The following POLR1C variants were observed in gnomAD, a reference collection of about 807,000 sequenced individuals.
The protein encoded by POLR1C is DNA-directed RNA polymerases I and III subunit RPAC1.
In POLR1C, 42 loss-of-function variants were observed where a neutral mutation model predicts 38.3. That is an observed-to-expected ratio of 1.10 (90% CI 0.86 to 1.42). The LOEUF (loss-of-function observed/expected upper bound fraction) is 1.42. Ranked by LOEUF, POLR1C falls within the 40% of genes most tolerant of loss-of-function variation. The pLI is 0.00. For synonymous variants in POLR1C, 163 were observed against 163.9 expected (o/e 0.99, Z 0.04); for missense variants, 507 against 450.5 (o/e 1.13, Z -1.14).
chr6:43,549,655 CTCAG>C, intron 9 of POLR1C: 1 of 1,500,968 alleles, frequency 6.7e-7, no homozygotes, highest in East Asian at 2.3e-5. Flanking sequence ...ATGTGAATAT[CTCAG>C]TCAGGGGCAA....
chr6:43,526,744 A>T, intron 8 of POLR1C: 1 of 1,613,724 alleles, frequency 6.2e-7, no homozygotes, highest in South Asian at 1.1e-5. Flanking sequence ...AACACAGCAA[A>T]CCGCTAAAGC....
chr6:43,521,214 G>T lies in POLR1C; in HGVS notation c.955G>T (p.Asp319Tyr), dbSNP rs1360823560. The T allele has an allele frequency of 6.2e-7, 1 of 1,613,972 alleles. No individual in the cohort carries two copies. The highest frequency in any genetic ancestry group is 1.3e-5 in the African/African-American group (1 of 74,928). ...TGAGTCAACGGGGGTGTTGCCACCA[G>T]ATGTGCTGGTGAGTGAAGCCATCAA... Reference protein sequence around the residue: ...SVESTGVLPPDVLVSEAIKVL... With the variant: ...SVESTGVLPPYVLVSEAIKVL... The change falls in exon 9 of 9, where the codon GAT (aspartate) becomes TAT (tyrosine). Residue 319 changes from aspartate to tyrosine, a missense_variant. Transcript: ENST00000642195.
intron 9 of POLR1C, among the ~76,000 whole-genome samples, chr6:43,541,437 C>A (rs561045666): frequency 6.6e-6 from 1 of 152,270 alleles, no homozygotes; most frequent in African/African-American, 2.4e-5. Flanking sequence ...AAAAACATCC[C>A]CACCAAAACC....
At chr6:43,517,446 C>CT in intron 2 of POLR1C, 69 bp downstream of exon 2, 1 of 1,347,988 alleles carries the variant, frequency 7.4e-7, no homozygotes, top group East Asian at 2.3e-5. Context: ...CAGCCTGTGT[C>CT]TGTCTCAGAA....
At chr6:43,558,792 G>A in intron 10 of POLR1C, 1 of 472,132 alleles carries the variant, frequency 2.1e-6, no homozygotes. Flanking sequence ...GTAGAAAAGA[G>A]AATACTTTTA....
intron 7 of POLR1C, 70 bp from the exon 8 acceptor site, chr6:43,520,862 G>C: frequency 6.3e-7 from 1 of 1,599,856 alleles, no homozygotes; most frequent in Non-Finnish European, 8.6e-7. Flanking sequence ...GCTCCTAAAA[G>C]TATAACCTGG....
chr6:43,536,329 C>T (rs529116699), intron 9 of POLR1C, among the ~76,000 whole-genome samples: 1 of 151,510 alleles, frequency 6.6e-6, no homozygotes, highest in African/African-American at 2.4e-5. Context: ...GCATAAGAAT[C>T]GCTTGAACCC....
downstream of POLR1C, chr6:43,533,698 C>T (rs575802913): frequency 1.5e-4 from 49 of 317,606 alleles, no homozygotes; most frequent in African/African-American, 3.8e-4. Flanking sequence ...GTTCGTCTGG[C>T]GTTGTGATCT....
chr6:43,546,242 T>C (rs923534531), intron 9 of POLR1C, among the ~76,000 whole-genome samples: 1 of 151,934 alleles, frequency 6.6e-6, no homozygotes, highest in Non-Finnish European at 1.5e-5. Context: ...CAATGAGCAA[T>C]TCCTTTACTA....
At chr6:43,543,397 G>A (rs554617606) in intron 9 of POLR1C, among the ~76,000 whole-genome samples, 2 of 152,160 alleles carry the variant, frequency 1.3e-5, no homozygotes, top group East Asian at 1.9e-4. Flanking sequence ...AGGCTGCAGT[G>A]AGCCGTGATC....
intron 9 of POLR1C, chr6:43,547,272 C>A: frequency 2.5e-6 from 1 of 405,036 alleles, no homozygotes; most frequent in South Asian, 2.1e-5. Context: ...TAAGCCATCA[C>A]TTAAGACTTT....
In POLR1C at chr6:43,546,975, C is replaced by T. The variant is rs374721953; in HGVS notation, c.*5-3993C>T. Among the ~76,000 whole-genome samples the T allele has an allele frequency of 3.9e-5, 6 of 152,282 alleles. No individual in the cohort carries two copies. The East Asian group carries it at 1.2e-3, about 29-fold the overall frequency. On this transcript the variant is annotated intron_variant, in intron 9 of 10. Transcript: ENST00000607635. ...GGCCAGTGGTAGGCTCTGGAAACTT[C>T]CCTTGCAGTAAGCTGTCTTTCTAGG...
intron 10 of POLR1C, among the ~76,000 whole-genome samples, chr6:43,552,715 T>TA (rs1398987781): frequency 6.6e-6 from 1 of 152,210 alleles, no homozygotes; most frequent in Non-Finnish European, 1.5e-5. Flanking sequence ...TATTTCTCTA[T>TA]AATTTAGTAA....
chr6:43,524,026 A>G (rs1341273205), downstream of POLR1C: 1 of 1,608,346 alleles, frequency 6.2e-7, no homozygotes, highest in Non-Finnish European at 8.5e-7. Context: ...CAAATGAGAA[A>G]GAATTAATGC....
At chr6:43,537,436 G>A (rs574506464) in intron 9 of POLR1C, among the ~76,000 whole-genome samples, 1 of 152,136 alleles carries the variant, frequency 6.6e-6, no homozygotes, top group South Asian at 2.1e-4. Context: ...CTAGACCAGA[G>A]GTCACATTCA....
downstream of POLR1C, chr6:43,522,837 A>G: frequency 3.3e-6 from 1 of 303,264 alleles, no homozygotes; most frequent in Non-Finnish European, 7.6e-6. Flanking sequence ...TCCCGTATCC[A>G]TGTCCTCTCT....
intron 9 of POLR1C, among the ~76,000 whole-genome samples, chr6:43,547,921 GAATAT>G (rs1378965083): frequency 6.6e-6 from 1 of 152,112 alleles, no homozygotes; most frequent in African/African-American, 2.4e-5. Flanking sequence ...AATTAAACAA[GAATAT>G]AATCTTCAAA....
intron 10 of POLR1C, chr6:43,559,057 G>A: frequency 6.5e-6 from 1 of 153,200 alleles, no homozygotes; most frequent in Non-Finnish European, 1.5e-5. Flanking sequence ...AGCACTTTGG[G>A]AGGCCGAGGC....
intron 1 of POLR1C, 27 bp downstream of exon 1, chr6:43,517,205 C>G: frequency 6.2e-7 from 1 of 1,612,740 alleles, no homozygotes; most frequent in Non-Finnish European, 8.5e-7. Context: ...TGAGCTCGGG[C>G]GGGAGGAATG....
Sources: allele counts gnomAD v4.1 joint callset (sites outside exome capture counted in the v4.1 genomes callset), GRCh38; gene constraint gnomAD v4.1.1; transcripts MANE v1.5; gene names NCBI Gene and HGNC (gene_info 2026-07-23, HGNC 2026-07-21).